FKBP10: variants seen among roughly 807,000 people sequenced by gnomAD.
FKBP10 encodes peptidyl-prolyl cis-trans isomerase FKBP10.
A neutral mutation model predicts 53.7 loss-of-function variants in FKBP10; 34 were observed. That is an observed-to-expected ratio of 0.63 (90% CI 0.48 to 0.84). The LOEUF is 0.84. Among genes scored for constraint, FKBP10 ranks in the 40% least tolerant of loss-of-function variants. The pLI is 0.00. For synonymous variants in FKBP10, 324 were observed against 335.7 expected (o/e 0.97, Z 0.38); for missense variants, 748 against 797.8 (o/e 0.94, Z 0.75).
chr17:41,821,364 C>A (rs1355573607), intron 8 of FKBP10, among the ~76,000 whole-genome samples: 2 of 152,110 alleles, frequency 1.3e-5, no homozygotes, highest in Admixed American at 1.3e-4. Flanking sequence ...CTCAGGTGAT[C>A]CACCCGCCTT....
chr17:41,820,398 T>C lies in FKBP10; in HGVS notation c.1193T>C (p.Leu398Pro). The C allele has an allele frequency of 1.2e-6, 2 of 1,614,160 alleles. No individual in the cohort carries two copies. Among genetic ancestry groups the C allele is most frequent in the Non-Finnish European group, 8.5e-7 (1 of 1,180,022 alleles). ...GAGACCTGCAATGAGACCACCAAGCTTGGGGACTTTGTTCGATACCATTAC... is the reference window on the plus strand; with the variant it reads ...GAGACCTGCAATGAGACCACCAAGCCTGGGGACTTTGTTCGATACCATTAC... ...PSETCNETTK[L>P]GDFVRYHYNC... Residue 398 changes from leucine (L) to proline (P), a missense_variant, in exon 7 of 10, where the codon CTT becomes CCT. Leu to Pro is a moderately conservative substitution (Grantham distance 98). Transcript: ENST00000321562.
rs1431919480 is a variant in FKBP10, at chr17:41,818,187, C to A, written c.490C>A (p.Pro164Thr). The A allele has an allele frequency of 8.7e-6, 14 of 1,613,538 alleles. No individual in the cohort carries two copies. Among genetic ancestry groups the A allele is most frequent in the African/African-American group, 1.3e-5 (1 of 74,940 alleles). ...CGTGCAGGTGAGCACATTGCTGCGC[C>A]CGCCCCACTGCCCCCGCATGGTCCA... ...DTVQVSTLLR[P>T]PHCPRMVQDG... The change falls in exon 3 of 10, where the codon CCG becomes ACG. Residue 164 changes from proline (P) to threonine (T), a missense_variant. Physicochemically the swap from Pro to Thr is conservative, Grantham distance 38. Coordinates refer to ENST00000321562, the MANE Select transcript of FKBP10 (RefSeq NM_021939.4).
In FKBP10 at chr17:41,822,458, G is replaced by A. The variant is rs781940627; in HGVS notation, c.*50G>A. 4 of 1,550,174 alleles carry A rather than the reference G, an allele frequency of 2.6e-6. No individual in the cohort carries two copies. In the South Asian group the frequency reaches 4.7e-5, roughly 18 times the overall value. ...GAGACACAGAGGCCCACTGCGAGGG[G>A]GACAGTGGCGGTGGGACTGACCTGC... is the stretch of plus-strand genomic sequence containing the variant. On this transcript the variant is annotated 3_prime_UTR_variant, in exon 10 of 10. Transcript: ENST00000321562.
Position 41,819,241 on chromosome 17 carries a change from C to G in FKBP10, c.759C>G (p.Val253=). ...TGATCCCCCCACAGGCCTCGCTGGTCTTTCACGTCCTCCTGATTGACGTGC... is the reference window on the plus strand; with the variant it reads ...TGATCCCCCCACAGGCCTCGCTGGTGTTTCACGTCCTCCTGATTGACGTGC... ...GTVIPPQASL[V]FHVLLIDVHN... is the part of the protein sequence containing the mutation. Residue 253 remains valine, a synonymous_variant, in exon 5 of 10, where the codon GTC becomes GTG. Coordinates refer to ENST00000321562, the MANE Select transcript of FKBP10 (RefSeq NM_021939.4). The G allele has an allele frequency of 1.2e-6, 2 of 1,614,186 alleles. No homozygotes were observed. The highest frequency in any genetic ancestry group is 2.7e-5 in the African/African-American group (2 of 75,058).
intron 1 of FKBP10, 129 bp from the exon 2 acceptor site, chr17:41,816,929 G>A (rs767347063): frequency 1.4e-5 from 19 of 1,338,706 alleles, no homozygotes; most frequent in East Asian, 9.7e-5. Context: ...GTGTGTGTGC[G>A]TATCCACACC....
intron 6 of FKBP10, 110 bp from the exon 7 acceptor site, chr17:41,820,159 G>A: frequency 7.5e-7 from 1 of 1,335,222 alleles, no homozygotes. Flanking sequence ...ATCCTCCTTT[G>A]GATCCTCAGG....
chr17:41,822,614 C>A lies in FKBP10; in HGVS notation c.*206C>A. Reference sequence around the variant, plus strand: ...ACAGACCTCTACCGTGTTTCTCTTCCATCCCTAAACCACTTCCTTAAAATG... The same window carrying A: ...ACAGACCTCTACCGTGTTTCTCTTCAATCCCTAAACCACTTCCTTAAAATG... On this transcript the variant is annotated 3_prime_UTR_variant, in exon 10 of 10. Coordinates refer to ENST00000321562, the MANE Select transcript of FKBP10 (RefSeq NM_021939.4). 1.6e-6 allele frequency: 1 copy of A among 635,010 alleles called. No homozygotes were observed. The highest frequency in any genetic ancestry group is 2.7e-6 in the Non-Finnish European group (1 of 364,640). 39.3% of individuals were successfully genotyped at this position (635,010 alleles called of 1,614,324 possible).
chr17:41,818,997 C>A, intron 4 of FKBP10: 6 of 556,554 alleles, frequency 1.1e-5, no homozygotes, highest in Non-Finnish European at 1.6e-5. Flanking sequence ...TATTCTGATT[C>A]ACACGAAGGC....
rs1174096084 is a variant in FKBP10, at chr17:41,822,508, G to A, written c.*100G>A. 2 of 1,382,136 alleles carry A rather than the reference G, an allele frequency of 1.4e-6. No individual in the cohort carries two copies. The highest frequency in any genetic ancestry group is 2.0e-6 in the Non-Finnish European group (2 of 1,001,860). The allele number at this position is 1,382,136 out of a possible 1,614,324, so 85.6% of individuals were successfully genotyped here. A position where few individuals can be genotyped will look rare whatever the true frequency, so the allele number is the denominator to read the frequency against. On this transcript the variant is annotated 3_prime_UTR_variant, in exon 10 of 10. Transcript: ENST00000321562. ...CTGACAGTCACCCTCCCTCTGCTGG[G>A]ATGAGGTCCAGGAGCCAACTAAAAC...
intron 8 of FKBP10, 85 bp from the exon 9 acceptor site, chr17:41,821,569 T>A: frequency 6.5e-7 from 1 of 1,533,790 alleles, no homozygotes; most frequent in South Asian, 1.2e-5. Flanking sequence ...GAGGGGAAAC[T>A]GGCCTGTGGG....
Position 41,813,205 on chromosome 17 carries a change from G to A in FKBP10, c.171G>A (p.Arg57=). ...ERYHIPRACP[R]EVQMGDFVRY... ...ACCACATCCCCAGGGCCTGTCCCCGGGAAGTGCAGATGGGGGATTTTGTGC... is the reference window on the plus strand; with the variant it reads ...ACCACATCCCCAGGGCCTGTCCCCGAGAAGTGCAGATGGGGGATTTTGTGC... The change falls in exon 1 of 10, where the codon CGG becomes CGA. Residue 57 remains arginine, a synonymous_variant. Coordinates refer to ENST00000321562, the MANE Select transcript of FKBP10 (RefSeq NM_021939.4). 3 of 1,613,572 alleles carry A rather than the reference G, an allele frequency of 1.9e-6. No individual in the cohort carries two copies. The highest frequency in any genetic ancestry group is 1.1e-5 in the South Asian group (1 of 91,082).
In FKBP10 at chr17:41,821,700, G is replaced by C. The variant is rs1555617142; in HGVS notation, c.1446G>C (p.Leu482=). The C allele has an allele frequency of 2.5e-6, 4 of 1,614,124 alleles. No homozygotes were observed. Among genetic ancestry groups the C allele is most frequent in the East Asian group, 2.2e-5 (1 of 44,852 alleles). ...CTGTGCTGCTGTTTGAGGTGGAGCT[G>C]GTGTCCCGGGAGGATGGGCTGCCCA... ...GSAVLLFEVE[L]VSREDGLPTG... is the part of the protein sequence containing the mutation. Residue 482 remains leucine, a synonymous_variant, in exon 9 of 10, where the codon CTG becomes CTC. Coordinates refer to ENST00000321562, the MANE Select transcript of FKBP10 (RefSeq NM_021939.4).
chr17:41,817,053 C>A lies in FKBP10; in HGVS notation c.246-5C>A, dbSNP rs140027863. The A allele has an allele frequency of 1.2e-5, 20 of 1,614,046 alleles. No individual in the cohort carries two copies. The highest frequency in any genetic ancestry group is 1.6e-4 in the Middle Eastern group (1 of 6,062). Reference sequence around the variant, plus strand: ...ACTGTATCCCATCTGTCCCTCCCCCCCCAGCTATGATCGCAACACCTTGGT... The same window carrying A: ...ACTGTATCCCATCTGTCCCTCCCCCACCAGCTATGATCGCAACACCTTGGT... On this transcript the variant is annotated splice_region_variant and splice_polypyrimidine_tract_variant and intron_variant, in intron 1 of 9. Coordinates refer to ENST00000321562, the MANE Select transcript of FKBP10 (RefSeq NM_021939.4).
chr17:41,817,314 C>A, intron 2 of FKBP10, 111 bp downstream of exon 2: 1 of 1,384,064 alleles, frequency 7.2e-7, no homozygotes, highest in Non-Finnish European at 1.0e-6. Context: ...TGCCCAATGT[C>A]ACACTGTGCA....
Position 41,822,452 on chromosome 17 carries a change from C to T in FKBP10, c.*44C>T, listed in dbSNP as rs372369060. 6.2e-5 allele frequency: 97 copies of T among 1,561,798 alleles called. No homozygotes were observed. The African/African-American group carries it at 6.6e-4, about 11-fold the overall frequency. On this transcript the variant is annotated 3_prime_UTR_variant, in exon 10 of 10. Coordinates refer to ENST00000321562, the MANE Select transcript of FKBP10 (RefSeq NM_021939.4). The stretch of plus-strand genomic sequence containing the variant: ...AGGCCTGAGACACAGAGGCCCACTG[C>T]GAGGGGGACAGTGGCGGTGGGACTG...
chr17:41,821,866 C>G (rs782574252), intron 9 of FKBP10, 49 bp downstream of exon 9: 1 of 1,611,200 alleles, frequency 6.2e-7, no homozygotes, highest in Non-Finnish European at 8.5e-7. Flanking sequence ...ATCCCCGCAC[C>G]CAGGAAGCAT....
At chr17:41,821,863 C>T (rs1555617219) in intron 9 of FKBP10, 46 bp downstream of exon 9, 1 of 1,611,368 alleles carries the variant, frequency 6.2e-7, no homozygotes, top group Admixed American at 1.7e-5. Flanking sequence ...GCAATCCCCG[C>T]ACCCAGGAAG....
Position 41,813,416 on chromosome 17 carries a change from A to C in FKBP10, c.245+137A>C, listed in dbSNP as rs1278548518. On this transcript the variant is annotated intron_variant, in intron 1 of 9. Coordinates refer to ENST00000321562, the MANE Select transcript of FKBP10 (RefSeq NM_021939.4). ...CACCCCTGGGGCCTCCCAGACACCC[A>C]TCTCCCCAAAGATACCCTCCTGCCC... is the stretch of plus-strand genomic sequence containing the variant. 4.4e-6 allele frequency: 5 copies of C among 1,130,414 alleles called. No individual in the cohort carries two copies. The African/African-American group carries it at 7.7e-5, about 17-fold the overall frequency. The allele number at this position is 1,130,414 out of a possible 1,614,324, so 70.0% of individuals were successfully genotyped here.
chr17:41,818,390 A>G lies in FKBP10; in HGVS notation c.590A>G (p.Lys197Arg), dbSNP rs34764749. Reference protein sequence around the residue: ...DGTSFDTSYSKGGTYDTYVGS... With the variant: ...DGTSFDTSYSRGGTYDTYVGS... ...CACCTCATTTTCTGCAGCTACAGTA[A>G]GGGCGGCACTTATGACACCTACGTC... is the stretch of plus-strand genomic sequence containing the variant. The change falls in exon 4 of 10, where the codon AAG becomes AGG. Residue 197 changes from lysine to arginine, a missense_variant. By Grantham distance (26) the Lys-to-Arg change is conservative. Coordinates refer to ENST00000321562, the MANE Select transcript of FKBP10 (RefSeq NM_021939.4). The G allele has an allele frequency of 0.044, 71,143 of 1,614,136 alleles. 2,023 individuals carry two copies. The highest frequency in any genetic ancestry group is 0.12 in the African/African-American group (8,862 of 75,012).
Sources: gnomAD v4.1 joint callset for allele counts (sites outside exome capture counted in the v4.1 genomes callset) on GRCh38, gnomAD v4.1.1 for gene constraint, MANE v1.5 for transcripts, NCBI Gene and HGNC (gene_info 2026-07-23, HGNC 2026-07-21) for gene names.